The following FOXP2 variants were observed in gnomAD, a reference collection of about 807,000 sequenced individuals.
The protein encoded by FOXP2 is forkhead box protein P2.
FOXP2 carries 12 observed loss-of-function variants against 115.8 expected under a neutral mutation model. That is an observed-to-expected ratio of 0.10 (90% confidence interval 0.07 to 0.17). The LOEUF (loss-of-function observed/expected upper bound fraction) is 0.17, where lower values mean the gene tolerates loss of function less well. Ranked by LOEUF, FOXP2 falls within the 10% of genes least tolerant of loss-of-function variation. The probability of loss-of-function intolerance (pLI) is 1.00; values close to 1 mark genes in which losing one functional copy is unlikely to be tolerated. For missense variants in FOXP2, 629 were observed against 843.5 expected, an observed-to-expected ratio of 0.75 and a Z score of 3.15; for synonymous variants, 328 against 297.7, an observed-to-expected ratio of 1.10 and a Z score of -1.05.
chr7:114,277,538 C>A (rs950946347), intron 1 of FOXP2, among the ~76,000 whole-genome samples: 2 of 151,966 alleles, frequency 1.3e-5, no homozygotes, highest in African/African-American at 4.8e-5. Context: ...AAAAACCAAA[C>A]CCCTGACTTC....
At chr7:114,442,900 T>A (rs749600623) in intron 2 of FOXP2, among the ~76,000 whole-genome samples, 24 of 152,208 alleles carry the variant, frequency 1.6e-4, no homozygotes, top group Non-Finnish European at 3.1e-4. Context: ...TTGACACTTC[T>A]TTGCATGCAG....
chr7:114,594,443 G>A (rs756157002), intron 3 of FOXP2, among the ~76,000 whole-genome samples: 2 of 152,032 alleles, frequency 1.3e-5, no homozygotes, highest in African/African-American at 2.4e-5. Flanking sequence ...GCCATGCTTA[G>A]CAAATAGAGA....
chr7:114,171,773 T>C (rs1448725436), intron 1 of FOXP2, among the ~76,000 whole-genome samples: 1 of 152,216 alleles, frequency 6.6e-6, no homozygotes, highest in African/African-American at 2.4e-5. Flanking sequence ...ATTCCTCTGA[T>C]GGAACTGGGC....
chr7:114,653,963 C>A lies in FOXP2; in HGVS notation c.1220C>A (p.Thr407Asn), dbSNP rs541820585. 2.4e-5 allele frequency: 39 copies of A among 1,613,314 alleles called. No individual in the cohort carries two copies. The East Asian group carries it at 8.0e-4, about 33-fold the overall frequency. ...KERERLQAMM[T>N]HLHMRPSEPK... is the part of the protein sequence containing the mutation. ...CGCGAACGTCTTCAAGCAATGATGACCCACTTGCACATGCGACCCTCAGAG... is the reference window on the plus strand; with the variant it reads ...CGCGAACGTCTTCAAGCAATGATGAACCACTTGCACATGCGACCCTCAGAG... Residue 407 changes from threonine (T) to asparagine (N), a missense_variant, in exon 10 of 17, where the codon ACC becomes AAC. Around this residue, in one of 9 missense-constraint regions of FOXP2, gnomAD observed 101 missense variants for 116.0 expected, o/e 0.87. Transcript: ENST00000350908.
At chr7:114,591,899 T>C (rs567652120) in intron 3 of FOXP2, among the ~76,000 whole-genome samples, 2 of 152,106 alleles carry the variant, frequency 1.3e-5, no homozygotes, top group Non-Finnish European at 2.9e-5. Context: ...ACTAGCCATA[T>C]GTGGCTATTG....
rs1401024101 is a variant in FOXP2, at chr7:114,268,272, A to G, written c.-101-19747A>G. The stretch of plus-strand genomic sequence containing the variant: ...TATTTTTTCATGTGTGGAACTTATA[A>G]TCAACTCAGCAACATGTACTTAGGG... On this transcript the variant is annotated intron_variant, in intron 1 of 17. Coordinates refer to the FOXP2 transcript ENST00000634411. 2.6e-5 allele frequency among the ~76,000 whole-genome samples: 4 copies of G among 152,320 alleles called. No homozygotes were observed. The East Asian group carries it at 5.8e-4, about 22-fold the overall frequency.
At chr7:114,630,721 A>G (rs958515464) in intron 5 of FOXP2, 1 of 153,540 alleles carries the variant, frequency 6.5e-6, no homozygotes, top group Admixed American at 6.5e-5. Flanking sequence ...AATTTCAGAC[A>G]GCCATCAACT....
At chr7:114,390,437 G>C (rs969388907) in intron 2 of FOXP2, among the ~76,000 whole-genome samples, 1 of 152,030 alleles carries the variant, frequency 6.6e-6, no homozygotes, top group East Asian at 1.9e-4. Flanking sequence ...TTCACCATTT[G>C]TTATATTATA....
At chr7:114,339,413 C>T (rs774399461) in intron 2 of FOXP2, among the ~76,000 whole-genome samples, 36 of 151,214 alleles carry the variant, frequency 2.4e-4, no homozygotes, top group South Asian at 6.2e-4. Flanking sequence ...TTTGCTTTTG[C>T]TTTTTGTGAA....
chr7:114,133,141 A>G (rs1791937217), intron 1 of FOXP2, among the ~76,000 whole-genome samples: 2 of 152,242 alleles, frequency 1.3e-5, no homozygotes, highest in East Asian at 1.9e-4. Flanking sequence ...GCTTCAGCCA[A>G]TATGATTCCT....
chr7:114,318,131 T>C (rs1401639356), intron 2 of FOXP2, among the ~76,000 whole-genome samples: 1 of 152,236 alleles, frequency 6.6e-6, no homozygotes, highest in African/African-American at 2.4e-5. Flanking sequence ...ATTTTTCTCA[T>C]TTTCCAATTT....
At chr7:114,454,106 C>T (rs1168614115) in intron 2 of FOXP2, among the ~76,000 whole-genome samples, 3 of 149,710 alleles carry the variant, frequency 2.0e-5, no homozygotes, top group South Asian at 2.1e-4. Flanking sequence ...AGAAAATTTT[C>T]GCAACCTACT....
chr7:114,096,743 G>A (rs962724459), intron 1 of FOXP2, among the ~76,000 whole-genome samples: 1 of 152,156 alleles, frequency 6.6e-6, no homozygotes, highest in African/African-American at 2.4e-5. Flanking sequence ...TTCTGGCGAT[G>A]TAAGAGCAAA....
At chr7:114,206,216 C>A (rs895952518) in intron 1 of FOXP2, among the ~76,000 whole-genome samples, 2 of 152,058 alleles carry the variant, frequency 1.3e-5, no homozygotes, top group Non-Finnish European at 2.9e-5. Flanking sequence ...AGTCTCAATA[C>A]CCTGCCTAAA....
intron 2 of FOXP2, among the ~76,000 whole-genome samples, chr7:114,519,406 G>A (rs897782868): frequency 6.6e-6 from 1 of 152,092 alleles, no homozygotes; most frequent in Non-Finnish European, 1.5e-5. Flanking sequence ...ATTAGTATTG[G>A]ACTCCGAAAT....
chr7:114,105,875 C>T (rs1264684108), intron 1 of FOXP2, among the ~76,000 whole-genome samples: 1 of 152,054 alleles, frequency 6.6e-6, no homozygotes, highest in African/African-American at 2.4e-5. Context: ...GAGTCGTCTG[C>T]CTCTTCCTGG....
intron 2 of FOXP2, among the ~76,000 whole-genome samples, chr7:114,441,161 T>C (rs945141574): frequency 3.3e-5 from 5 of 152,050 alleles, no homozygotes; most frequent in African/African-American, 1.2e-4. Context: ...AAAATCGGAA[T>C]GTTCGGCTGG....
At chr7:114,400,690 A>G (rs539357365) in intron 2 of FOXP2, among the ~76,000 whole-genome samples, 3 of 152,022 alleles carry the variant, frequency 2.0e-5, no homozygotes, top group African/African-American at 7.3e-5. Flanking sequence ...GGAGCACACA[A>G]CCTAGATTCC....
chr7:114,391,155 C>A (rs926609946), intron 2 of FOXP2, among the ~76,000 whole-genome samples: 3 of 151,902 alleles, frequency 2.0e-5, no homozygotes, highest in African/African-American at 7.3e-5. Context: ...CCACTGTACT[C>A]CAGCCTTGGC....
Sources: gnomAD v4.1 joint callset for allele counts (sites outside exome capture counted in the v4.1 genomes callset) on GRCh38, gnomAD v4.1.1 for gene constraint, gnomAD v4.1.1 regional missense constraint, MANE v1.5 for transcripts, NCBI Gene and HGNC (gene_info 2026-07-23, HGNC 2026-07-21) for gene names.